Variants in EDIL3 observed in about 807,000 individuals in gnomAD.
The protein encoded by EDIL3 is EGF like and discoidin domains 3, also known as EGF-like repeat and discoidin I-like domain-containing protein 3.
EDIL3 carries 37 observed loss-of-function variants against 67.4 expected under a neutral mutation model. The observed-to-expected ratio is 0.55, with a 90% CI of 0.42 to 0.72. The LOEUF (loss-of-function observed/expected upper bound fraction) is 0.72. Among genes scored for constraint, EDIL3 ranks in the 30% least tolerant of loss-of-function variants. EDIL3 has a pLI of 0.00. For synonymous variants in EDIL3, 195 were observed against 196.3 expected (o/e 0.99, Z 0.05); for missense variants, 527 against 586.3 (o/e 0.90, Z 1.04).
chr5:84,148,150 C>A (rs1461885422), intron 4 of EDIL3, among the ~76,000 whole-genome samples: 1 of 151,936 alleles, frequency 6.6e-6, no homozygotes, highest in Non-Finnish European at 1.5e-5. Flanking sequence ...TATAACTGTC[C>A]TTATTATTAT....
intron 9 of EDIL3, among the ~76,000 whole-genome samples, chr5:83,987,869 G>GTATATATATATATA (rs34360330): frequency 0.011 from 1,565 of 138,282 alleles, 48 homozygotes; most frequent in African/African-American, 0.042. Context: ...GTGTGTGTAT[G>GTATATATATATATA]TATATATATA....
chr5:83,972,329 GGCTCTGAGTCTTGGCCACT>G (rs902359047), intron 9 of EDIL3, among the ~76,000 whole-genome samples: 2 of 152,076 alleles, frequency 1.3e-5, no homozygotes, highest in African/African-American at 4.8e-5. Flanking sequence ...CTGCTGTGCA[GGCTCTGAGTCTTGGCCACT>G]GCTGCCCTGA....
chr5:84,075,064 T>C (rs1351235795), intron 6 of EDIL3, among the ~76,000 whole-genome samples: 1 of 152,030 alleles, frequency 6.6e-6, no homozygotes, highest in Non-Finnish European at 1.5e-5. Context: ...ATGGATGAAA[T>C]TGGAAATTAT....
At chr5:84,259,342 T>C (rs573004682) in intron 1 of EDIL3, among the ~76,000 whole-genome samples, 69 of 152,316 alleles carry the variant, frequency 4.5e-4, no homozygotes, top group African/African-American at 1.6e-3. Context: ...TAAGATTTCA[T>C]GGTTATTTAT....
At chr5:84,268,151 A>T (rs991023423) in intron 1 of EDIL3, among the ~76,000 whole-genome samples, 1 of 152,084 alleles carries the variant, frequency 6.6e-6, no homozygotes, top group Non-Finnish European at 1.5e-5. Context: ...AAATAAATAA[A>T]TAAATAAATA....
intron 1 of EDIL3, among the ~76,000 whole-genome samples, chr5:84,356,706 C>A (rs1747489383): frequency 6.6e-6 from 1 of 152,074 alleles, no homozygotes; most frequent in South Asian, 2.1e-4. Flanking sequence ...GACATCTTTG[C>A]AGGACCATTT....
At chr5:84,127,721 T>C (rs1287410382) in intron 5 of EDIL3, among the ~76,000 whole-genome samples, 3 of 148,158 alleles carry the variant, frequency 2.0e-5, no homozygotes, top group East Asian at 1.9e-4. Context: ...TGGATTATCC[T>C]TTTATTTTAT....
At position 84,217,305 on chromosome 5, in the gene EDIL3, G is replaced by A. The variant is rs1055894991; in HGVS notation, c.226+12550C>T. 3.3e-5 allele frequency among the ~76,000 whole-genome samples: 5 copies of A among 152,200 alleles called. No individual in the cohort carries two copies. The South Asian group carries it at 1.0e-3, about 32-fold the overall frequency. The stretch of plus-strand genomic sequence containing the variant: ...AAATAATGTTCAATCTATTTTCTCT[G>A]AAATAGGTTCTTTGGTAAATAAAAC... On this transcript the variant is annotated intron_variant, in intron 3 of 10. Coordinates refer to ENST00000296591, the MANE Select transcript of EDIL3 (RefSeq NM_005711.5).
intron 10 of EDIL3, among the ~76,000 whole-genome samples, chr5:83,961,603 T>C (rs1054439514): frequency 2.7e-4 from 41 of 151,372 alleles, no homozygotes; most frequent in Middle Eastern, 3.4e-3. Flanking sequence ...TTACTGAATC[T>C]TACACATGGA....
At chr5:84,251,362 C>T (rs908361891) in intron 2 of EDIL3, among the ~76,000 whole-genome samples, 1 of 151,298 alleles carries the variant, frequency 6.6e-6, no homozygotes, top group African/African-American at 2.4e-5. Context: ...CCGCCCACCT[C>T]GGCCTTCCAA....
chr5:84,171,779 G>C (rs1748816222), intron 4 of EDIL3, among the ~76,000 whole-genome samples: 1 of 152,076 alleles, frequency 6.6e-6, no homozygotes, highest in Non-Finnish European at 1.5e-5. Flanking sequence ...TTGTACATTA[G>C]AATTATCTGG....
At chr5:84,305,910 A>G (rs62360087) in intron 1 of EDIL3, among the ~76,000 whole-genome samples, 14,246 of 148,792 alleles carry the variant, frequency 0.096, 793 homozygotes, top group South Asian at 0.22. Flanking sequence ...TAAATAAATA[A>G]ATAAATAAAT....
At chr5:84,085,835 GT>G (rs759208576) in intron 6 of EDIL3, among the ~76,000 whole-genome samples, 5 of 152,188 alleles carry the variant, frequency 3.3e-5, no homozygotes, top group Non-Finnish European at 5.9e-5. Flanking sequence ...GGAGATGAAG[GT>G]TTTATCTGTA....
At chr5:84,003,635 A>G (rs1480432020) in intron 9 of EDIL3, among the ~76,000 whole-genome samples, 1 of 152,166 alleles carries the variant, frequency 6.6e-6, no homozygotes, top group Admixed American at 6.5e-5. Flanking sequence ...AAGGAAAATC[A>G]TTACCACCAG....
In EDIL3 at chr5:84,342,246, GAGTC is replaced by G. The variant is rs1447548064; in HGVS notation, c.67+42058_67+42061del. ...TGGAAGCCATTATTTTAAATAAAAT[GAGTC>G]AGACACAGAAAGACAAATACTGCAT... On this transcript the variant is annotated intron_variant, in intron 1 of 10. Transcript: ENST00000296591. Among the ~76,000 whole-genome samples, 7 of 152,140 alleles carry G rather than the reference GAGTC, an allele frequency of 4.6e-5. No homozygotes were observed. The East Asian group carries it at 1.2e-3, about 25-fold the overall frequency.
intron 6 of EDIL3, 144 bp from the exon 7 acceptor site, chr5:84,066,750 A>G: frequency 2.8e-6 from 3 of 1,054,422 alleles, no homozygotes; most frequent in Non-Finnish European, 4.0e-6. Flanking sequence ...AATGTTTACA[A>G]TAGGCATATA....
At chr5:84,288,940 T>A (rs1745862305) in intron 1 of EDIL3, among the ~76,000 whole-genome samples, 1 of 152,158 alleles carries the variant, frequency 6.6e-6, no homozygotes. Context: ...CGAGAATACT[T>A]GTTGAATTAA....
intron 6 of EDIL3, among the ~76,000 whole-genome samples, chr5:84,089,876 C>T (rs1409176514): frequency 6.6e-6 from 1 of 152,174 alleles, no homozygotes; most frequent in Non-Finnish European, 1.5e-5. Flanking sequence ...TCCTTAATGT[C>T]ATCCTCAAAG....
At chr5:84,075,947 T>TTA (rs10546643) in intron 6 of EDIL3, among the ~76,000 whole-genome samples, 2,314 of 130,572 alleles carry the variant, frequency 0.018, 22 homozygotes, top group South Asian at 0.025. Context: ...ATTGTGGGTT[T>TTA]TATATATATA....
Sources: gnomAD v4.1 joint callset for allele counts (sites outside exome capture counted in the v4.1 genomes callset) on GRCh38, gnomAD v4.1.1 for gene constraint, MANE v1.5 for transcripts, NCBI Gene and HGNC (gene_info 2026-07-23, HGNC 2026-07-21) for gene names.